TAMM41: variants seen among roughly 807,000 people sequenced by gnomAD.
TAMM41 encodes phosphatidate cytidylyltransferase, mitochondrial.
Under a neutral mutation model 44.1 loss-of-function variants are expected in TAMM41, and 36 were observed. The ratio of observed to expected loss-of-function variants is 0.82; its 90% confidence interval spans 0.63 to 1.08. TAMM41 has a LOEUF of 1.08. TAMM41 is among the 50% of genes least tolerant of loss of function. The probability of loss-of-function intolerance (pLI) is 0.00; values close to 1 mark genes in which losing one functional copy is unlikely to be tolerated. For missense variants in TAMM41, 417 were observed against 404.3 expected (o/e 1.03, Z -0.27); for synonymous variants, 164 against 153.1 (o/e 1.07, Z -0.53).
chr3:11,754,324 A>G, the TAMM41 span, among the ~76,000 whole-genome samples: 2 of 150,976 alleles, frequency 1.3e-5, 1 homozygote, highest in Middle Eastern at 6.8e-3. Context: ...GACTTCCCCC[A>G]CTCCTCACCA....
chr3:11,839,275 C>A lies in TAMM41; in HGVS notation c.358G>T (p.Glu120Ter). Residue 120 changes from glutamate (E) to a stop codon, truncating the protein, a stop_gained, in exon 3 of 8, where the codon GAA becomes TAA. Coordinates refer to ENST00000455809, the MANE Select transcript of TAMM41 (RefSeq NM_001284401.2). LOFTEE classifies it high-confidence loss of function. ...YGVISTNVLI[E>*]DLLNWNNLYI... The stretch of plus-strand genomic sequence containing the variant: ...AAGTTATTCCAGTTGAGGAGATCTT[C>A]AATCAGAACGTTAGTGCTAATAACT... 1.9e-6 allele frequency: 3 copies of A among 1,613,514 alleles called. No individual in the cohort carries two copies. Among genetic ancestry groups the A allele is most frequent in the Non-Finnish European group, 2.5e-6 (3 of 1,179,704 alleles).
At chr3:11,739,752 T>C in the TAMM41 span, among the ~76,000 whole-genome samples, 2 of 151,020 alleles carry the variant, frequency 1.3e-5, no homozygotes, top group African/African-American at 4.9e-5. Flanking sequence ...ATATTCAGGA[T>C]GTTGTATGCT....
chr3:11,791,772 T>C (rs1357109121), intron 7 of TAMM41, among the ~76,000 whole-genome samples: 1 of 152,134 alleles, frequency 6.6e-6, no homozygotes, highest in African/African-American at 2.4e-5. Context: ...AAATCATTAA[T>C]GAATACTTCC....
chr3:11,798,846 T>C (rs2077675175), intron 7 of TAMM41, among the ~76,000 whole-genome samples: 1 of 151,868 alleles, frequency 6.6e-6, no homozygotes, highest in African/African-American at 2.4e-5. Context: ...TAAAGAGAGG[T>C]CAGGAAACTT....
In TAMM41 at chr3:11,808,393, G is replaced by A. The variant is rs543339732; in HGVS notation, c.875-498C>T. ...GGATCATGTTCAAACAAACAACAGT[G>A]TGCCTCGTACAGAGCTATCTTCAGG... On this transcript the variant is annotated intron_variant, in intron 6 of 7. Coordinates refer to ENST00000455809, the MANE Select transcript of TAMM41 (RefSeq NM_001284401.2). The A allele has an allele frequency of 1.4e-5, 14 of 997,652 alleles. No homozygotes were observed. The South Asian group carries it at 5.0e-4, about 35-fold the overall frequency. 61.8% of individuals were successfully genotyped at this position (997,652 alleles called of 1,614,324 possible).
chr3:11,738,780 G>C, the TAMM41 span, among the ~76,000 whole-genome samples: 1 of 152,234 alleles, frequency 6.6e-6, no homozygotes, highest in Admixed American at 6.5e-5. Flanking sequence ...AGACATGGCA[G>C]AAACGCAAAT....
At chr3:11,725,292 T>C in the TAMM41 span, among the ~76,000 whole-genome samples, 2 of 139,104 alleles carry the variant, frequency 1.4e-5, no homozygotes, top group Admixed American at 7.2e-5. Flanking sequence ...TCCTTCTCCT[T>C]CTTCTCCTCC....
At chr3:11,806,854 T>C (rs1011375232) in intron 7 of TAMM41, among the ~76,000 whole-genome samples, 2 of 151,868 alleles carry the variant, frequency 1.3e-5, no homozygotes, top group Non-Finnish European at 2.9e-5. Context: ...CTTCCAGAAA[T>C]AACATACACA....
chr3:11,774,171 C>T, the TAMM41 span, among the ~76,000 whole-genome samples: 2 of 152,306 alleles, frequency 1.3e-5, no homozygotes, highest in East Asian at 3.9e-4. Context: ...TCCAGGTGTT[C>T]TGCCACCTAC....
At chr3:11,833,270 G>T in intron 3 of TAMM41, 1 of 740,658 alleles carries the variant, frequency 1.4e-6, no homozygotes, top group Non-Finnish European at 1.7e-6. Context: ...AATCTTTACT[G>T]TAGAGAAAGG....
chr3:11,766,432 T>C, the TAMM41 span, among the ~76,000 whole-genome samples: 1 of 152,172 alleles, frequency 6.6e-6, no homozygotes, highest in African/African-American at 2.4e-5. Flanking sequence ...CCTCCCAAAG[T>C]GCTGGGAATA....
intron 5 of TAMM41, among the ~76,000 whole-genome samples, chr3:11,813,864 GTA>G (rs1167899657): frequency 7.0e-6 from 1 of 143,194 alleles, no homozygotes; most frequent in Non-Finnish European, 1.5e-5. Flanking sequence ...GTGTATGTAT[GTA>G]TATATATGTA....
At chr3:11,755,511 C>G in the TAMM41 span, among the ~76,000 whole-genome samples, 8 of 152,244 alleles carry the variant, frequency 5.3e-5, no homozygotes, top group African/African-American at 1.9e-4. Flanking sequence ...AGAACACATT[C>G]CTGTTAAGGA....
In TAMM41 at chr3:11,832,278, A is replaced by G. The variant is rs943195832; in HGVS notation, c.412-2414T>C. Among the ~76,000 whole-genome samples the G allele has an allele frequency of 1.7e-3, 161 of 96,444 alleles. 2 individuals are homozygous for G. The highest frequency in any genetic ancestry group is 8.5e-3 in the African/African-American group (141 of 16,638). The allele number at this position is 96,444 out of a possible 152,430, so 63.3% of individuals were successfully genotyped here. A position where few individuals can be genotyped will look rare whatever the true frequency, so the allele number is the denominator to read the frequency against. ...CCAATCACAGATGGGAAACATTCAG[A>G]AAAACAAAAAAAAAAAATCCACAAA... On this transcript the variant is annotated intron_variant, in intron 3 of 7. Transcript: ENST00000455809.
the TAMM41 span, among the ~76,000 whole-genome samples, chr3:11,747,991 C>T: frequency 6.6e-6 from 1 of 151,088 alleles, no homozygotes; most frequent in Non-Finnish European, 1.5e-5. Flanking sequence ...CCTCCCACCT[C>T]AGCCTCCCGA....
chr3:11,793,083 A>AAGAGAG (rs1553566247), intron 7 of TAMM41, among the ~76,000 whole-genome samples: 9 of 132,664 alleles, frequency 6.8e-5, no homozygotes, highest in African/African-American at 2.4e-4. Flanking sequence ...AAAAAAAAAA[A>AAGAGAG]AGAGAGTGAA....
intron 3 of TAMM41, among the ~76,000 whole-genome samples, chr3:11,832,592 C>G (rs913859325): frequency 6.6e-6 from 1 of 152,156 alleles, no homozygotes; most frequent in African/African-American, 2.4e-5. Flanking sequence ...CTTCATCTTA[C>G]TGACAGAAAA....
chr3:11,835,133 C>G (rs931995168), intron 3 of TAMM41, among the ~76,000 whole-genome samples: 1 of 152,094 alleles, frequency 6.6e-6, no homozygotes, highest in African/African-American at 2.4e-5. Context: ...TACTCATATT[C>G]TCATAATTCT....
chr3:11,815,825 G>T (rs1189107027), intron 5 of TAMM41, among the ~76,000 whole-genome samples: 1 of 152,154 alleles, frequency 6.6e-6, no homozygotes, highest in African/African-American at 2.4e-5. Flanking sequence ...AGAACATGGA[G>T]GTGAATATCA....
Sources: gnomAD v4.1 joint callset for allele counts (sites outside exome capture counted in the v4.1 genomes callset) on GRCh38, gnomAD v4.1.1 for gene constraint, MANE v1.5 for transcripts, NCBI Gene and HGNC (gene_info 2026-07-23, HGNC 2026-07-21) for gene names.